Variants in DPYSL3 observed in about 807,000 individuals in gnomAD.
DPYSL3 encodes the protein dihydropyrimidinase like 3.
Under a neutral mutation model 66.1 loss-of-function variants are expected in DPYSL3, and 16 were observed. The ratio of observed to expected loss-of-function variants is 0.24; its 90% CI spans 0.16 to 0.37. The LOEUF (loss-of-function observed/expected upper bound fraction) is 0.37. Among genes scored for constraint, DPYSL3 ranks in the 10% least tolerant of loss-of-function variants. The pLI, the probability that DPYSL3 is intolerant of heterozygous loss-of-function variation, is 1.00. For missense variants in DPYSL3, 738 were observed against 916.2 expected, an observed-to-expected ratio of 0.81 and a Z score of 2.51; for synonymous variants, 338 against 345.1, an observed-to-expected ratio of 0.98 and a Z score of 0.23.
intron 1 of DPYSL3, among the ~76,000 whole-genome samples, chr5:147,435,971 G>A (rs1230511861): frequency 6.6e-6 from 1 of 152,204 alleles, no homozygotes; most frequent in Non-Finnish European, 1.5e-5. Flanking sequence ...TAGCTGTATG[G>A]AGAGGGCTGC....
chr5:147,404,622 C>A (rs1414302583), intron 8 of DPYSL3, among the ~76,000 whole-genome samples: 1 of 152,310 alleles, frequency 6.6e-6, no homozygotes, highest in East Asian at 1.9e-4. Flanking sequence ...CCTTACCCAG[C>A]CTCACAACTG....
chr5:147,423,925 C>T (rs58013114), intron 2 of DPYSL3, among the ~76,000 whole-genome samples: 13,065 of 152,116 alleles, frequency 0.086, 1,517 homozygotes, highest in African/African-American at 0.26. Context: ...ACCATGTTGC[C>T]CAGGCTGATC....
chr5:147,398,454 C>A (rs1758063173), intron 11 of DPYSL3, among the ~76,000 whole-genome samples: 1 of 152,130 alleles, frequency 6.6e-6, no homozygotes, highest in African/African-American at 2.4e-5. Flanking sequence ...GGATAATAGT[C>A]CCTACCTGTA....
chr5:147,490,220 A>G (rs12656097), intron 1 of DPYSL3, among the ~76,000 whole-genome samples: 1,737 of 152,296 alleles, frequency 0.011, 66 homozygotes, highest in East Asian at 0.087. Flanking sequence ...TGAAGTAGAA[A>G]GCATCTATCC....
intron 5 of DPYSL3, 75 bp downstream of exon 5, chr5:147,413,521 A>T: frequency 8.2e-7 from 1 of 1,221,334 alleles, no homozygotes; most frequent in Non-Finnish European, 1.2e-6. Context: ...GATTCATGTT[A>T]CAAGGGCCAA....
intron 1 of DPYSL3, among the ~76,000 whole-genome samples, chr5:147,455,097 C>T (rs1752822528): frequency 6.6e-6 from 1 of 152,190 alleles, no homozygotes; most frequent in Admixed American, 6.5e-5. Context: ...ATTCACGTTT[C>T]CATAAGGCAG....
intron 1 of DPYSL3, among the ~76,000 whole-genome samples, chr5:147,425,952 G>C (rs1427718937): frequency 6.6e-6 from 1 of 151,954 alleles, no homozygotes; most frequent in Non-Finnish European, 1.5e-5. Context: ...AAGAATGAGA[G>C]GGTGGACTTT....
intron 1 of DPYSL3, among the ~76,000 whole-genome samples, chr5:147,463,315 T>C (rs1484222069): frequency 6.6e-6 from 1 of 151,922 alleles, no homozygotes; most frequent in African/African-American, 2.4e-5. Context: ...AAGACAACAA[T>C]GAGGAGATAC....
At chr5:147,430,503 C>T (rs1054350300) in intron 1 of DPYSL3, among the ~76,000 whole-genome samples, 4 of 119,118 alleles carry the variant, frequency 3.4e-5, no homozygotes, top group Admixed American at 1.1e-4. Context: ...GAGTGAGACT[C>T]GGTCTCAAAA....
At chr5:147,410,091 G>A (rs1371823663) in intron 6 of DPYSL3, among the ~76,000 whole-genome samples, 1 of 152,092 alleles carries the variant, frequency 6.6e-6, no homozygotes, top group African/African-American at 2.4e-5. Flanking sequence ...AACTTGAACT[G>A]AATTAAATTT....
At position 147,405,699 on chromosome 5, in the gene DPYSL3, G is replaced by A. The variant is rs1346618241; in HGVS notation, c.1064C>T (p.Thr355Ile). The change falls in exon 8 of 14, where the codon ACC (threonine) becomes ATC (isoleucine). Residue 355 changes from threonine to isoleucine, a missense_variant. Coordinates refer to ENST00000343218, the MANE Select transcript of DPYSL3 (RefSeq NM_001197294.2). Reference protein sequence around the residue: ...LEAEAVFRAITIASQTNCPLY... With the variant: ...LEAEAVFRAIIIASQTNCPLY... ...AGGGCAATTGGTTTGGCTGGCAATG[G>A]TGATGGCACGGAACACAGCCTCAGC... is the stretch of plus-strand genomic sequence containing the variant. 1.2e-6 allele frequency: 2 copies of A among 1,613,896 alleles called. No individual in the cohort carries two copies. The highest frequency in any genetic ancestry group is 1.7e-6 in the Non-Finnish European group (2 of 1,179,940).
At chr5:147,422,672 T>TA (rs983798265) in intron 2 of DPYSL3, among the ~76,000 whole-genome samples, 19 of 150,578 alleles carry the variant, frequency 1.3e-4, no homozygotes, top group East Asian at 2.0e-4. Flanking sequence ...TATGCAGCCA[T>TA]AAAAAAAAAG....
chr5:147,486,555 C>T (rs538322318), intron 1 of DPYSL3, among the ~76,000 whole-genome samples: 1 of 152,278 alleles, frequency 6.6e-6, no homozygotes, highest in East Asian at 1.9e-4. Flanking sequence ...CCTTCTCCCT[C>T]CTCTGGACTG....
At chr5:147,466,912 C>G (rs749741036) in intron 1 of DPYSL3, among the ~76,000 whole-genome samples, 1 of 152,246 alleles carries the variant, frequency 6.6e-6, no homozygotes, top group Non-Finnish European at 1.5e-5. Context: ...CAGATTGCAC[C>G]GAGCAACTTA....
chr5:147,392,998 G>A lies in DPYSL3; in HGVS notation c.*1037C>T, dbSNP rs1290482364. The stretch of plus-strand genomic sequence containing the variant: ...TATTTATCATGGATGTGCCAGGATC[G>A]AGAGAATCAAACACAAACTGCCTGT... On this transcript the variant is annotated 3_prime_UTR_variant, in exon 14 of 14. Coordinates refer to ENST00000343218, the MANE Select transcript of DPYSL3 (RefSeq NM_001197294.2). 1 of 152,164 alleles carries A rather than the reference G, an allele frequency of 6.6e-6. No individual in the cohort carries two copies. Among genetic ancestry groups the A allele is most frequent in the Admixed American group, 6.5e-5 (1 of 15,270 alleles). 9.4% of individuals were successfully genotyped at this position (152,164 alleles called of 1,614,324 possible). A position where few individuals can be genotyped will look rare whatever the true frequency, so the allele number is the denominator to read the frequency against.
Position 147,394,084 on chromosome 5 carries a change from C to T in DPYSL3, c.2006G>A (p.Arg669His), listed in dbSNP as rs756369537. The change falls in exon 14 of 14, where the codon CGC becomes CAC. Residue 669 changes from arginine (R) to histidine (H), a missense_variant. Physicochemically the swap from Arg to His is conservative, Grantham distance 29. Transcript: ENST00000343218. Reference protein sequence around the residue: ...VDEGVRSASKRIVAPPGGRSN... With the variant: ...VDEGVRSASKHIVAPPGGRSN... ...ACGGCCGCCTGGGGGCGCCACGATG[C>T]GCTTGCTGGCTGAGCGAACCCCCTC... 4 of 1,613,976 alleles carry T rather than the reference C, an allele frequency of 2.5e-6. No individual in the cohort carries two copies. Among genetic ancestry groups the T allele is most frequent in the East Asian group, 2.2e-5 (1 of 44,872 alleles).
chr5:147,408,650 C>T, intron 7 of DPYSL3, 78 bp downstream of exon 7: 2 of 1,480,658 alleles, frequency 1.4e-6, no homozygotes, highest in Non-Finnish European at 1.9e-6. Flanking sequence ...ATACTGCAAC[C>T]TGGTACTCAC....
intron 8 of DPYSL3, among the ~76,000 whole-genome samples, chr5:147,403,257 C>T (rs1235329862): frequency 3.9e-5 from 6 of 152,050 alleles, no homozygotes; most frequent in Admixed American, 1.3e-4. Context: ...TTCAAGGGCT[C>T]TCCAAAAATA....
chr5:147,484,974 T>A (rs1753308856), intron 1 of DPYSL3, among the ~76,000 whole-genome samples: 1 of 152,252 alleles, frequency 6.6e-6, no homozygotes, highest in Non-Finnish European at 1.5e-5. Context: ...TTACTTTTGC[T>A]GTGGGCCATA....
Sources: gnomAD v4.1 joint callset for allele counts (sites outside exome capture counted in the v4.1 genomes callset) on GRCh38, gnomAD v4.1.1 for gene constraint, MANE v1.5 for transcripts, NCBI Gene and HGNC (gene_info 2026-07-23, HGNC 2026-07-21) for gene names.